The following PPM1L variants were observed in gnomAD, a reference collection of about 807,000 sequenced individuals.
PPM1L encodes the protein protein phosphatase 1L.
A neutral mutation model predicts 31.4 loss-of-function variants in PPM1L; 13 were observed. The ratio of observed to expected loss-of-function variants is 0.41; its 90% CI spans 0.27 to 0.66. PPM1L has a LOEUF of 0.66. PPM1L is among the 30% of genes least tolerant of loss of function. The pLI is 0.29. For missense variants in PPM1L, 326 were observed against 453.7 expected (o/e 0.72, Z 2.56); for synonymous variants, 184 against 175.4 (o/e 1.05, Z -0.39).
Position 160,779,824 on chromosome 3 carries a change from G to A in PPM1L, c.399+23117G>A, listed in dbSNP as rs571916545. Among the ~76,000 whole-genome samples the A allele has an allele frequency of 5.3e-5, 8 of 152,040 alleles. No individual in the cohort carries two copies. In the East Asian group the frequency reaches 9.7e-4, roughly 18 times the overall value. On this transcript the variant is annotated intron_variant, in intron 1 of 3. Coordinates refer to ENST00000498165, the MANE Select transcript of PPM1L (RefSeq NM_139245.4). The stretch of plus-strand genomic sequence containing the variant: ...TGGGATTACAGGCATGATCCACTGC[G>A]TCCGGCCTCTGCTACCTTTTAGTTA...
At chr3:160,825,388 A>T (rs1290866237) in intron 1 of PPM1L, among the ~76,000 whole-genome samples, 1 of 152,100 alleles carries the variant, frequency 6.6e-6, no homozygotes, top group African/African-American at 2.4e-5. Flanking sequence ...ATTTTGACCT[A>T]AAAAAGTGTC....
chr3:160,923,022 T>A (rs920968593), intron 1 of PPM1L, among the ~76,000 whole-genome samples: 2 of 152,226 alleles, frequency 1.3e-5, no homozygotes, highest in African/African-American at 2.4e-5. Context: ...AACTAATGCC[T>A]ATTCAGCTGG....
At chr3:160,769,174 G>A (rs1326895580) in intron 1 of PPM1L, among the ~76,000 whole-genome samples, 1 of 152,162 alleles carries the variant, frequency 6.6e-6, no homozygotes, top group Non-Finnish European at 1.5e-5. Context: ...AGCCTCTGGA[G>A]GACATGACAA....
At chr3:161,045,292 C>T (rs991300713) in intron 2 of PPM1L, among the ~76,000 whole-genome samples, 1 of 152,228 alleles carries the variant, frequency 6.6e-6, no homozygotes, top group African/African-American at 2.4e-5. Flanking sequence ...CTACAGAGCG[C>T]TCCACCACAA....
intron 2 of PPM1L, among the ~76,000 whole-genome samples, chr3:161,011,469 C>T (rs930084989): frequency 6.6e-6 from 1 of 152,076 alleles, no homozygotes; most frequent in African/African-American, 2.4e-5. Flanking sequence ...CAGCTTTGTT[C>T]TTTTGGCTTA....
intron 2 of PPM1L, among the ~76,000 whole-genome samples, chr3:161,013,761 A>C (rs570744737): frequency 3.0e-4 from 45 of 151,952 alleles, no homozygotes; most frequent in Admixed American, 7.9e-4. Context: ...TTGAATTGAT[A>C]CCTTTACCAT....
At chr3:160,788,141 A>G (rs1006207119) in intron 1 of PPM1L, among the ~76,000 whole-genome samples, 3 of 151,830 alleles carry the variant, frequency 2.0e-5, no homozygotes, top group African/African-American at 4.8e-5. Context: ...AGTTTTTTCT[A>G]TGTCTGAAAA....
At chr3:161,052,566 A>G (rs1719308231) in intron 2 of PPM1L, among the ~76,000 whole-genome samples, 1 of 152,236 alleles carries the variant, frequency 6.6e-6, no homozygotes, top group Non-Finnish European at 1.5e-5. Flanking sequence ...CATTTCAGCC[A>G]TAGCAATCCT....
chr3:161,055,023 A>G (rs1719372707), intron 2 of PPM1L, among the ~76,000 whole-genome samples: 2 of 151,952 alleles, frequency 1.3e-5, no homozygotes, highest in Non-Finnish European at 1.5e-5. Context: ...AGTTAGACTA[A>G]TATGTCAGGT....
At chr3:160,966,179 T>G (rs1716137242) in intron 2 of PPM1L, among the ~76,000 whole-genome samples, 1 of 152,088 alleles carries the variant, frequency 6.6e-6, no homozygotes, top group Non-Finnish European at 1.5e-5. Flanking sequence ...AGTTCTCACC[T>G]AGAATCTATA....
chr3:160,921,466 A>G lies in PPM1L; in HGVS notation c.400-40270A>G, dbSNP rs953631361. ...AACTCTAGTTTCTTCTTTTTTATGT[A>G]TAAGTCAGACAGAAGTTAGTAATAA... On this transcript the variant is annotated intron_variant, in intron 1 of 3. Coordinates refer to ENST00000498165, the MANE Select transcript of PPM1L (RefSeq NM_139245.4). Among the ~76,000 whole-genome samples, 5 of 152,324 alleles carry G rather than the reference A, an allele frequency of 3.3e-5. No homozygotes were observed. In the South Asian group the frequency reaches 1.0e-3, roughly 32 times the overall value.
At chr3:161,053,085 C>T (rs762341049) in intron 2 of PPM1L, among the ~76,000 whole-genome samples, 3 of 152,068 alleles carry the variant, frequency 2.0e-5, no homozygotes, top group African/African-American at 4.8e-5. Context: ...AACACGAAGA[C>T]GTGAAAAAAT....
chr3:161,007,543 G>C (rs967109484), intron 2 of PPM1L, among the ~76,000 whole-genome samples: 3 of 152,256 alleles, frequency 2.0e-5, no homozygotes, highest in Non-Finnish European at 2.9e-5. Flanking sequence ...TATAGACCAA[G>C]CTGTTCAACC....
chr3:160,933,303 C>T (rs1001720414), intron 1 of PPM1L, among the ~76,000 whole-genome samples: 3 of 151,360 alleles, frequency 2.0e-5, no homozygotes, highest in Non-Finnish European at 2.9e-5. Context: ...TTGTTATTTA[C>T]GTAGGACTTA....
chr3:160,830,467 C>T (rs1210331157), intron 1 of PPM1L, among the ~76,000 whole-genome samples: 1 of 151,998 alleles, frequency 6.6e-6, no homozygotes, highest in Non-Finnish European at 1.5e-5. Flanking sequence ...ATTTGTAAAC[C>T]GGAGTATTTT....
chr3:160,762,701 G>A (rs1023114162), intron 1 of PPM1L, among the ~76,000 whole-genome samples: 9 of 152,276 alleles, frequency 5.9e-5, no homozygotes, highest in Admixed American at 5.2e-4. Context: ...TGTAGACAGC[G>A]ATTGGGTGGA....
At position 161,005,982 on chromosome 3, in the gene PPM1L, A is replaced by T. The variant is rs190608768; in HGVS notation, c.574+44072A>T. ...TTTAAAAGATGCATTAAAAAAACAT[A>T]AAAAAATACAATTTTAAAAGATGCA... On this transcript the variant is annotated intron_variant, in intron 2 of 3. Transcript: ENST00000498165. Among the ~76,000 whole-genome samples the T allele has an allele frequency of 1.4e-3, 191 of 133,024 alleles. 3 individuals carry two copies. In the East Asian group the frequency reaches 0.021, roughly 15 times the overall value. The allele number at this position is 133,024 out of a possible 152,430, so 87.3% of individuals were successfully genotyped here. A position where few individuals can be genotyped will look rare whatever the true frequency, so the allele number is the denominator to read the frequency against.
chr3:160,920,147 C>T (rs17236725), intron 1 of PPM1L, among the ~76,000 whole-genome samples: 62,882 of 151,968 alleles, frequency 0.41, 14,565 homozygotes, highest in Non-Finnish European at 0.54. Flanking sequence ...TGTCTCTCCA[C>T]AGCTCTTGTC....
At chr3:160,981,491 T>C (rs1355278406) in intron 2 of PPM1L, among the ~76,000 whole-genome samples, 1 of 152,138 alleles carries the variant, frequency 6.6e-6, no homozygotes, top group Non-Finnish European at 1.5e-5. Context: ...CACAGTCTTT[T>C]ATAATGTGAA....
Sources: allele counts gnomAD v4.1 joint callset (sites outside exome capture counted in the v4.1 genomes callset), GRCh38; gene constraint gnomAD v4.1.1; transcripts MANE v1.5; gene names NCBI Gene and HGNC (gene_info 2026-07-23, HGNC 2026-07-21).